Variants in EVL observed in about 807,000 individuals in gnomAD.
EVL encodes the protein ena/VASP-like protein.
A neutral mutation model predicts 59.6 loss-of-function variants in EVL; 21 were observed. That is an observed-to-expected ratio of 0.35 (90% CI 0.25 to 0.51). The LOEUF (loss-of-function observed/expected upper bound fraction) is 0.51, where lower values mean the gene tolerates loss of function less well. EVL is among the 20% of genes least tolerant of loss of function. The probability of loss-of-function intolerance (pLI) is 0.97; values close to 1 mark genes in which losing one functional copy is unlikely to be tolerated. For missense variants in EVL, 462 were observed against 546.6 expected (o/e 0.85, Z 1.54); for synonymous variants, 198 against 203.5 (o/e 0.97, Z 0.23).
At chr14:100,057,455 T>G (rs2061752336) in intron 1 of EVL, among the ~76,000 whole-genome samples, 1 of 152,186 alleles carries the variant, frequency 6.6e-6, no homozygotes, top group Non-Finnish European at 1.5e-5. Flanking sequence ...TAAAACATTT[T>G]CTGAGGACAA....
intron 2 of EVL, among the ~76,000 whole-genome samples, chr14:100,096,464 G>A (rs954010422): frequency 1.3e-5 from 2 of 152,150 alleles, no homozygotes; most frequent in East Asian, 3.9e-4. Flanking sequence ...AGCTGTGTCA[G>A]TTACTTTCTC....
chr14:100,130,308 G>A lies in EVL; in HGVS notation c.839+624G>A, dbSNP rs146895839. On this transcript the variant is annotated intron_variant, in intron 7 of 13. Transcript: ENST00000392920. This position sits in a 1 kb window ranked among gnomAD's most constrained non-coding sequence, Gnocchi z 4.8. Reference sequence around the variant, plus strand: ...CTCCGCTGTTCCCCAAATGAAACCCGAGCAGATGGGGAGATCGTCCAGGTC... The same window carrying A: ...CTCCGCTGTTCCCCAAATGAAACCCAAGCAGATGGGGAGATCGTCCAGGTC... Among the ~76,000 whole-genome samples, 4 of 152,314 alleles carry A rather than the reference G, an allele frequency of 2.6e-5. No homozygotes were observed. The highest frequency in any genetic ancestry group is 3.9e-4 in the East Asian group (2 of 5,180).
intron 4 of EVL, among the ~76,000 whole-genome samples, chr14:100,125,149 C>CACACCTGCCCCAAGGCAGG (rs1887970258): frequency 7.0e-6 from 1 of 142,360 alleles, no homozygotes. Context: ...CACACACACA[C>CACACCTGCCCCAAGGCAGG]ACCTGCCCCA....
chr14:100,126,472 C>T (rs1264938150), intron 4 of EVL, among the ~76,000 whole-genome samples: 1 of 152,220 alleles, frequency 6.6e-6, no homozygotes, highest in East Asian at 1.9e-4. Context: ...ATAAGGAGCT[C>T]TGTGTTCAGT....
Position 100,109,926 on chromosome 14 carries a change from A to C in EVL, c.358+12268A>C, listed in dbSNP as rs1219900151. On this transcript the variant is annotated intron_variant, in intron 3 of 13. Transcript: ENST00000392920. The surrounding 1 kb of genome is among the most constrained non-coding windows in gnomAD (Gnocchi z 4.3). ...TGCCCTTGGGCATGTCACTGACCTA[A>C]GACTCAGTTTCGCCATCTGTGAAAT... Among the ~76,000 whole-genome samples, 1 of 152,236 alleles carries C rather than the reference A, an allele frequency of 6.6e-6. No individual in the cohort carries two copies. The highest frequency in any genetic ancestry group is 1.5e-5 in the Non-Finnish European group (1 of 68,040).
At chr14:100,110,041 A>G (rs1233837023) in intron 3 of EVL, among the ~76,000 whole-genome samples, 1 of 152,160 alleles carries the variant, frequency 6.6e-6, no homozygotes, top group Non-Finnish European at 1.5e-5. Context: ...AATTACTATA[A>G]CAGTTTGAAG....
chr14:100,037,347 A>G (rs1185645137), intron 1 of EVL, among the ~76,000 whole-genome samples: 2 of 152,298 alleles, frequency 1.3e-5, no homozygotes, highest in African/African-American at 4.8e-5. Context: ...ACTTCCAGGA[A>G]AGCCTTTCTA....
intron 1 of EVL, among the ~76,000 whole-genome samples, chr14:100,076,870 C>T (rs534688336): frequency 2.6e-5 from 4 of 152,258 alleles, no homozygotes; most frequent in Non-Finnish European, 5.9e-5. Flanking sequence ...GATTATATTG[C>T]GTAATAACGA....
At chr14:100,026,809 A>G (rs2061221513) in intron 1 of EVL, among the ~76,000 whole-genome samples, 2 of 152,188 alleles carry the variant, frequency 1.3e-5, no homozygotes. Context: ...TAAATGTCTG[A>G]TAATGAAAAT....
At chr14:99,974,098 G>T (rs2060753697) in intron 1 of EVL, among the ~76,000 whole-genome samples, 1 of 152,070 alleles carries the variant, frequency 6.6e-6, no homozygotes, top group African/African-American at 2.4e-5. Flanking sequence ...TTTTTTGTAA[G>T]TTTTATTGAG....
intron 1 of EVL, among the ~76,000 whole-genome samples, chr14:100,024,291 G>C (rs1236555219): frequency 6.6e-6 from 1 of 152,206 alleles, no homozygotes; most frequent in Non-Finnish European, 1.5e-5. Context: ...GTCAAAATGA[G>C]TAGTATTGGG....
intron 1 of EVL, among the ~76,000 whole-genome samples, chr14:99,984,075 A>G (rs1402720390): frequency 6.6e-6 from 1 of 152,208 alleles, no homozygotes; most frequent in Non-Finnish European, 1.5e-5. Context: ...TGGATAGTTG[A>G]TCGTGGCATT....
chr14:100,070,062 TAAAA>T (rs569848858), intron 1 of EVL, among the ~76,000 whole-genome samples: 2 of 122,380 alleles, frequency 1.6e-5, no homozygotes, highest in Middle Eastern at 4.2e-3. Flanking sequence ...CCTCCTCTCT[TAAAA>T]AAAAAAAAAA....
intron 4 of EVL, among the ~76,000 whole-genome samples, chr14:100,124,002 C>G (rs1887867093): frequency 6.6e-6 from 1 of 152,190 alleles, no homozygotes; most frequent in African/African-American, 2.4e-5. Flanking sequence ...GGGCTAGGGA[C>G]CATAGGAATG....
intron 1 of EVL, among the ~76,000 whole-genome samples, chr14:100,039,158 A>G (rs567249691): frequency 2.0e-5 from 3 of 152,326 alleles, no homozygotes; most frequent in South Asian, 4.1e-4. Flanking sequence ...GATTCCTCAT[A>G]TGAATACCCC....
At chr14:99,991,716 C>T (rs559337050) in intron 1 of EVL, among the ~76,000 whole-genome samples, 13 of 151,650 alleles carry the variant, frequency 8.6e-5, no homozygotes, top group Admixed American at 6.6e-4. Context: ...CAACCACAGG[C>T]GCTGCCAGCA....
chr14:100,050,750 T>TG (rs1159640195), intron 1 of EVL, among the ~76,000 whole-genome samples: 5 of 150,572 alleles, frequency 3.3e-5, no homozygotes, highest in Non-Finnish European at 5.9e-5. Context: ...TCATGATTTT[T>TG]TTTTTTTTTT....
At chr14:100,044,861 C>T (rs2061524402) in intron 1 of EVL, among the ~76,000 whole-genome samples, 1 of 151,754 alleles carries the variant, frequency 6.6e-6, no homozygotes, top group Admixed American at 6.6e-5. Flanking sequence ...GGAGGGGAGA[C>T]CATGGGGCAT....
upstream of EVL, among the ~76,000 whole-genome samples, chr14:100,062,318 T>C (rs550389544): frequency 1.8e-4 from 28 of 151,770 alleles, no homozygotes; most frequent in South Asian, 5.8e-3. Flanking sequence ...GAATGGAGAA[T>C]GAAATTATGC....
Sources: allele counts gnomAD v4.1 joint callset (sites outside exome capture counted in the v4.1 genomes callset), GRCh38; gene constraint gnomAD v4.1.1; non-coding constraint Gnocchi (gnomAD v3.1); transcripts MANE v1.5; gene names NCBI Gene and HGNC (gene_info 2026-07-23, HGNC 2026-07-21).